Variants in SLC35F1 observed in about 807,000 individuals in gnomAD.
The protein encoded by SLC35F1 is solute carrier family 35 member F1, also known as chromosome 6 open reading frame 169.
A neutral mutation model predicts 48.7 loss-of-function variants in SLC35F1; 14 were observed. The ratio of observed to expected loss-of-function variants is 0.29; its 90% CI spans 0.19 to 0.45. The LOEUF (loss-of-function observed/expected upper bound fraction) is 0.45, where lower values mean the gene tolerates loss of function less well. Ranked by LOEUF, SLC35F1 falls within the 20% of genes least tolerant of loss-of-function variation. The pLI is 1.00. For missense variants in SLC35F1, 404 were observed against 500.0 expected (o/e 0.81, Z 1.83); for synonymous variants, 190 against 202.2 (o/e 0.94, Z 0.51).
At chr6:117,944,947 T>C (rs1235469248) in intron 1 of SLC35F1, among the ~76,000 whole-genome samples, 1 of 152,164 alleles carries the variant, frequency 6.6e-6, no homozygotes, top group Non-Finnish European at 1.5e-5. Context: ...GGGCATTTGT[T>C]TAACAGGTAT....
chr6:118,268,614 T>A lies in SLC35F1; in HGVS notation c.637+1460T>A, dbSNP rs1240060322. On this transcript the variant is annotated intron_variant, in intron 4 of 7. Transcript: ENST00000360388. Reference sequence around the variant, plus strand: ...TATATATATATATTTTTTTTTTTTTTTTTTTTTTTTTTTGAGACAGAGTCC... The same window carrying A: ...TATATATATATATTTTTTTTTTTTTATTTTTTTTTTTTTGAGACAGAGTCC... Among the ~76,000 whole-genome samples, 690 of 116,756 alleles carry A rather than the reference T, an allele frequency of 5.9e-3. 11 individuals are homozygous for A. The highest frequency in any genetic ancestry group is 0.02 in the African/African-American group (655 of 33,208). The allele number at this position is 116,756 out of a possible 152,430, so 76.6% of individuals were successfully genotyped here.
intron 2 of SLC35F1, among the ~76,000 whole-genome samples, chr6:118,211,601 C>T (rs1775001636): frequency 1.3e-5 from 2 of 152,176 alleles, no homozygotes; most frequent in South Asian, 4.1e-4. Flanking sequence ...AGAACAACAA[C>T]CAGGAACATA....
rs375709511 is a variant in SLC35F1, at chr6:118,044,398, G to A, written c.174-110047G>A. 3.9e-3 allele frequency among the ~76,000 whole-genome samples: 590 copies of A among 152,012 alleles called. 2 individuals carry two copies. Among genetic ancestry groups the A allele is most frequent in the South Asian group, 0.022 (105 of 4,810 alleles). ...TAAGTAATTTTTTTCCTCTCTCTCC[G>A]TTTCTCTGAACTCTTGGCATCTGTT... On this transcript the variant is annotated intron_variant, in intron 1 of 7. Transcript: ENST00000360388.
intron 6 of SLC35F1, among the ~76,000 whole-genome samples, chr6:118,283,833 A>ACGGT (rs1467825922): frequency 2.6e-5 from 4 of 152,170 alleles, no homozygotes; most frequent in Non-Finnish European, 5.9e-5. Flanking sequence ...ATGCAGAAAA[A>ACGGT]CGGTCCGTTT....
chr6:118,180,014 A>T (rs1265228182), intron 2 of SLC35F1, among the ~76,000 whole-genome samples: 1 of 152,172 alleles, frequency 6.6e-6, no homozygotes, highest in African/African-American at 2.4e-5. Context: ...TCTGTCCCAT[A>T]AGAAAGGAAA....
At chr6:118,221,627 T>A (rs1434430867) in intron 2 of SLC35F1, among the ~76,000 whole-genome samples, 3 of 152,222 alleles carry the variant, frequency 2.0e-5, no homozygotes, top group Admixed American at 1.3e-4. Flanking sequence ...ATGGAATTCT[T>A]CTTTTTGTAG....
chr6:118,003,446 T>C (rs1582613269), intron 1 of SLC35F1, among the ~76,000 whole-genome samples: 1 of 152,194 alleles, frequency 6.6e-6, no homozygotes, highest in South Asian at 2.1e-4. Flanking sequence ...CCGGCTGTGG[T>C]CTTCGGATGG....
intron 4 of SLC35F1, among the ~76,000 whole-genome samples, chr6:118,270,244 C>T (rs1481668155): frequency 6.6e-6 from 1 of 152,154 alleles, no homozygotes; most frequent in East Asian, 1.9e-4. Flanking sequence ...ACTTCGTCAG[C>T]ATGTTTCTTC....
At chr6:117,959,665 G>C (rs957316900) in intron 1 of SLC35F1, among the ~76,000 whole-genome samples, 1 of 152,164 alleles carries the variant, frequency 6.6e-6, no homozygotes, top group African/African-American at 2.4e-5. Flanking sequence ...TGTGGATTAA[G>C]AAAAGGAATG....
At chr6:118,040,440 A>T (rs183064228) in intron 1 of SLC35F1, among the ~76,000 whole-genome samples, 120 of 152,268 alleles carry the variant, frequency 7.9e-4, no homozygotes, top group African/African-American at 2.6e-3. Context: ...TTACACTGCT[A>T]TGGTAGAACT....
In SLC35F1 at chr6:118,317,604, T is replaced by C. The variant is rs1776454887; in HGVS notation, c.*3352T>C. ...TTTTTGATATTTGCATGCTCCCCTA[T>C]GGACTGGCTGTGGCAATGTAATGCC... On this transcript the variant is annotated 3_prime_UTR_variant, in exon 8 of 8. Transcript: ENST00000360388. 6.6e-6 allele frequency: 1 copy of C among 152,204 alleles called. No homozygotes were observed. The highest frequency in any genetic ancestry group is 1.5e-5 in the Non-Finnish European group (1 of 68,028). 9.4% of individuals were successfully genotyped at this position (152,204 alleles called of 1,614,324 possible).
rs1775649407 is a variant in SLC35F1, at chr6:118,256,581, G to C, written c.478-10414G>C. On this transcript the variant is annotated intron_variant, in intron 3 of 7. Coordinates refer to ENST00000360388, the MANE Select transcript of SLC35F1 (RefSeq NM_001029858.4). ...GAGGTCACCTCATTATGCTCTGCTG[G>C]GATTGGAGAAGTTTTTTAAAAATAA... 2.0e-5 allele frequency among the ~76,000 whole-genome samples: 3 copies of C among 151,984 alleles called. No homozygotes were observed. The South Asian group carries it at 6.2e-4, about 32-fold the overall frequency.
At chr6:118,138,458 A>C (rs1773831033) in intron 1 of SLC35F1, among the ~76,000 whole-genome samples, 1 of 152,188 alleles carries the variant, frequency 6.6e-6, no homozygotes, top group Non-Finnish European at 1.5e-5. Context: ...TATGTTATCT[A>C]TCTCTCTCAA....
chr6:118,182,735 A>G (rs1481584022), intron 2 of SLC35F1, among the ~76,000 whole-genome samples: 1 of 152,096 alleles, frequency 6.6e-6, no homozygotes, highest in Non-Finnish European at 1.5e-5. Context: ...TTTAAAAACA[A>G]ACAAGGTAAT....
chr6:118,113,466 G>C (rs2484148), intron 1 of SLC35F1, among the ~76,000 whole-genome samples: 4,735 of 152,178 alleles, frequency 0.031, 178 homozygotes, highest in African/African-American at 0.08. Flanking sequence ...GTTGATAAGA[G>C]GAGGGGCTAT....
intron 2 of SLC35F1, among the ~76,000 whole-genome samples, chr6:118,161,904 C>T (rs1447682688): frequency 4.6e-5 from 7 of 152,230 alleles, no homozygotes; most frequent in African/African-American, 1.7e-4. Context: ...GCAACTGGAA[C>T]TCTCATATAC....
At chr6:118,285,155 ACG>A in intron 6 of SLC35F1, 27 bp from the exon 7 acceptor site, 1 of 1,607,746 alleles carries the variant, frequency 6.2e-7, no homozygotes, top group Non-Finnish European at 8.5e-7. Flanking sequence ...GGAGGCCCTG[ACG>A]CTGCCTTCTC....
intron 2 of SLC35F1, among the ~76,000 whole-genome samples, chr6:118,165,693 G>A (rs750035811): frequency 8.5e-5 from 13 of 152,274 alleles, no homozygotes; most frequent in South Asian, 2.1e-4. Context: ...CCTGCTGACC[G>A]AGGTACATGT....
At chr6:118,279,980 A>G (rs182715196) in intron 6 of SLC35F1, among the ~76,000 whole-genome samples, 1 of 152,044 alleles carries the variant, frequency 6.6e-6, no homozygotes, top group East Asian at 1.9e-4. Flanking sequence ...TATGTTTTCT[A>G]TTTTTTCCTT....
Sources: gnomAD v4.1 joint callset for allele counts (sites outside exome capture counted in the v4.1 genomes callset) on GRCh38, gnomAD v4.1.1 for gene constraint, MANE v1.5 for transcripts, NCBI Gene and HGNC (gene_info 2026-07-23, HGNC 2026-07-21) for gene names.